The following NCKAP5 variants were observed in gnomAD, a reference collection of about 807,000 sequenced individuals.
NCKAP5 encodes NCK associated protein 5.
In NCKAP5, 92 loss-of-function variants were observed where a neutral mutation model predicts 167.0. That is an observed-to-expected ratio of 0.55 (90% CI 0.47 to 0.66). The LOEUF (loss-of-function observed/expected upper bound fraction) is 0.66, where lower values mean the gene tolerates loss of function less well. Among genes scored for constraint, NCKAP5 ranks in the 30% least tolerant of loss-of-function variants. The pLI is 0.00. For synonymous variants in NCKAP5, 891 were observed against 877.4 expected (o/e 1.02, Z -0.27); for missense variants, 2,378 against 2,315.0 (o/e 1.03, Z -0.56).
chr2:133,557,450 C>T (rs1687821093), intron 2 of NCKAP5, among the ~76,000 whole-genome samples: 1 of 152,156 alleles, frequency 6.6e-6, no homozygotes, highest in African/African-American at 2.4e-5. Flanking sequence ...CAGCCCTCGC[C>T]TGCCCAGGTT....
chr2:133,609,544 G>A, the NCKAP5 span, among the ~76,000 whole-genome samples: 8 of 152,006 alleles, frequency 5.3e-5, no homozygotes, highest in Admixed American at 1.3e-4. Context: ...ACTCTCACCC[G>A]ATGCTCCCCT....
intron 3 of NCKAP5, among the ~76,000 whole-genome samples, chr2:133,421,310 C>T (rs1372704536): frequency 6.6e-6 from 1 of 152,164 alleles, no homozygotes; most frequent in African/African-American, 2.4e-5. Flanking sequence ...CATGTTTACG[C>T]CTCCTAATTC....
At chr2:133,126,723 G>A (rs919149853) in intron 6 of NCKAP5, among the ~76,000 whole-genome samples, 1 of 151,998 alleles carries the variant, frequency 6.6e-6, no homozygotes, top group East Asian at 1.9e-4. Context: ...GTAGCCTTTG[G>A]CCATGAGATA....
intron 13 of NCKAP5, 66 bp downstream of exon 13, chr2:132,789,957 C>A: frequency 6.7e-7 from 1 of 1,489,764 alleles, no homozygotes. Flanking sequence ...TGCCCTTCAT[C>A]TCCATGACCA....
At chr2:133,022,062 A>G (rs2078548041) in intron 6 of NCKAP5, among the ~76,000 whole-genome samples, 1 of 152,188 alleles carries the variant, frequency 6.6e-6, no homozygotes, top group Non-Finnish European at 1.5e-5. Context: ...CCAACAGAAA[A>G]CAGCACACTT....
intron 3 of NCKAP5, among the ~76,000 whole-genome samples, chr2:133,382,962 TAA>T (rs762935032): frequency 3.3e-5 from 5 of 152,096 alleles, no homozygotes; most frequent in Non-Finnish European, 5.9e-5. Flanking sequence ...AATGAACAAA[TAA>T]AAGCCTTGTA....
chr2:132,922,523 G>C (rs1368577170), intron 8 of NCKAP5, among the ~76,000 whole-genome samples: 2 of 152,130 alleles, frequency 1.3e-5, no homozygotes, highest in South Asian at 2.1e-4. Flanking sequence ...TTGATGACCT[G>C]GCTGTTCCTT....
At chr2:133,419,385 T>C (rs1056883294) in intron 3 of NCKAP5, among the ~76,000 whole-genome samples, 2 of 152,204 alleles carry the variant, frequency 1.3e-5, no homozygotes, top group African/African-American at 4.8e-5. Flanking sequence ...GGGGTAAATA[T>C]GGTTCACAGG....
rs887345107 is a variant in NCKAP5, at chr2:132,780,912, T to A, written c.5049+140A>T. Reference sequence around the variant, plus strand: ...TGTCACCAGGATTTCGCTCTCTTTTTACAAATCCTTTTTCACTGACCTTTT... The same window carrying A: ...TGTCACCAGGATTTCGCTCTCTTTTAACAAATCCTTTTTCACTGACCTTTT... On this transcript the variant is annotated intron_variant, in intron 15 of 19. Transcript: ENST00000409261. 3 of 934,700 alleles carry A rather than the reference T, an allele frequency of 3.2e-6. No homozygotes were observed. The African/African-American group carries it at 5.1e-5, about 16-fold the overall frequency. 57.9% of individuals were successfully genotyped at this position (934,700 alleles called of 1,614,324 possible). A position where few individuals can be genotyped will look rare whatever the true frequency, so the allele number is the denominator to read the frequency against.
intron 3 of NCKAP5, chr2:133,381,377 T>G (rs1421104327): frequency 6.6e-6 from 1 of 152,220 alleles, no homozygotes; most frequent in Non-Finnish European, 1.5e-5. Flanking sequence ...CTGCTGGACA[T>G]GATAAATAAC....
At chr2:132,703,419 T>C (rs1688059601) in intron 19 of NCKAP5, among the ~76,000 whole-genome samples, 1 of 152,218 alleles carries the variant, frequency 6.6e-6, no homozygotes, top group Admixed American at 6.5e-5. Context: ...TAGATTTTAA[T>C]TTTGACTGAA....
chr2:132,829,137 T>A (rs1051978179), intron 11 of NCKAP5, among the ~76,000 whole-genome samples: 14 of 152,230 alleles, frequency 9.2e-5, no homozygotes, highest in African/African-American at 3.4e-4. Context: ...GTGTTGTATT[T>A]ATTGAATATT....
At chr2:133,546,429 C>G (rs1436430533) in intron 2 of NCKAP5, among the ~76,000 whole-genome samples, 8 of 152,186 alleles carry the variant, frequency 5.3e-5, no homozygotes, top group Non-Finnish European at 8.8e-5. Flanking sequence ...TTCTTCAGCT[C>G]TGTGTGATAA....
intron 19 of NCKAP5, among the ~76,000 whole-genome samples, chr2:132,683,002 G>T (rs1286730529): frequency 6.6e-6 from 1 of 151,084 alleles, no homozygotes; most frequent in Admixed American, 6.6e-5. Context: ...TCCTGCCTCA[G>T]TCTCCCAAGT....
chr2:133,409,330 T>C (rs912764124), intron 3 of NCKAP5, among the ~76,000 whole-genome samples: 8 of 152,240 alleles, frequency 5.3e-5, no homozygotes, highest in Non-Finnish European at 1.0e-4. Flanking sequence ...CCATCTTTAC[T>C]GAAAGGTTTC....
At chr2:133,615,764 T>C in the NCKAP5 span, among the ~76,000 whole-genome samples, 1 of 152,030 alleles carries the variant, frequency 6.6e-6, no homozygotes, top group Non-Finnish European at 1.5e-5. Context: ...TCAACAAGGA[T>C]ACCCAGGAAT....
At chr2:133,528,039 TG>T (rs1685066805) in intron 2 of NCKAP5, among the ~76,000 whole-genome samples, 1 of 152,188 alleles carries the variant, frequency 6.6e-6, no homozygotes, top group African/African-American at 2.4e-5. Flanking sequence ...CACTCCAGCC[TG>T]GGTGACAGTA....
intron 3 of NCKAP5, among the ~76,000 whole-genome samples, chr2:133,435,125 GATC>G (rs1690391907): frequency 6.6e-6 from 1 of 152,174 alleles, no homozygotes; most frequent in Non-Finnish European, 1.5e-5. Flanking sequence ...TGAAGATTCT[GATC>G]TCATCACTAA....
At chr2:133,645,942 AAGAG>A in the NCKAP5 span, among the ~76,000 whole-genome samples, 1 of 151,736 alleles carries the variant, frequency 6.6e-6, no homozygotes, top group South Asian at 2.1e-4. Context: ...AAAAGGAAGA[AAGAG>A]AGAGAGAGGG....
Sources: gnomAD v4.1 joint callset for allele counts (sites outside exome capture counted in the v4.1 genomes callset) on GRCh38, gnomAD v4.1.1 for gene constraint, MANE v1.5 for transcripts, NCBI Gene and HGNC (gene_info 2026-07-23, HGNC 2026-07-21) for gene names.